The following SLC24A2 variants were observed in gnomAD, a reference collection of about 807,000 sequenced individuals.
The protein encoded by SLC24A2 is solute carrier family 24 member 2, also known as sodium/potassium/calcium exchanger 2.
SLC24A2 carries 36 observed loss-of-function variants against 62.0 expected under a neutral mutation model. The observed-to-expected ratio is 0.58, with a 90% confidence interval of 0.44 to 0.77. SLC24A2 has a LOEUF of 0.77. Among genes scored for constraint, SLC24A2 ranks in the 30% least tolerant of loss-of-function variants. The probability of loss-of-function intolerance (pLI) is 0.00; values close to 1 mark genes in which losing one functional copy is unlikely to be tolerated. For synonymous variants in SLC24A2, 358 were observed against 294.0 expected, an observed-to-expected ratio of 1.22 and a Z score of -2.23; for missense variants, 846 against 817.9, an observed-to-expected ratio of 1.03 and a Z score of -0.42.
the SLC24A2 span, among the ~76,000 whole-genome samples, chr9:20,266,752 T>G: frequency 3.9e-5 from 6 of 152,222 alleles, no homozygotes; most frequent in Admixed American, 2.6e-4. Context: ...GTGCACTTTA[T>G]CAAAGTGGAG....
the SLC24A2 span, among the ~76,000 whole-genome samples, chr9:19,958,528 T>A: frequency 9.2e-5 from 14 of 152,116 alleles, no homozygotes; most frequent in Non-Finnish European, 1.9e-4. Context: ...GGTCTGAACC[T>A]CGGGTGCAGA....
At chr9:19,832,444 C>G in the SLC24A2 span, among the ~76,000 whole-genome samples, 2 of 152,086 alleles carry the variant, frequency 1.3e-5, no homozygotes. Flanking sequence ...GTTGTGTAGA[C>G]TAGAAATTTC....
At chr9:19,722,292 A>G (rs557948975) in intron 2 of SLC24A2, among the ~76,000 whole-genome samples, 3 of 152,252 alleles carry the variant, frequency 2.0e-5, no homozygotes, top group Admixed American at 1.3e-4. Context: ...GGGATTATCA[A>G]TTCTCTTGAA....
chr9:19,630,293 T>C (rs1280721850), intron 2 of SLC24A2, among the ~76,000 whole-genome samples: 1 of 152,146 alleles, frequency 6.6e-6, no homozygotes, highest in Non-Finnish European at 1.5e-5. Context: ...ACACATATAT[T>C]AATAGTAGAA....
the SLC24A2 span, among the ~76,000 whole-genome samples, chr9:20,104,046 A>G: frequency 5.9e-5 from 9 of 152,242 alleles, no homozygotes; most frequent in Non-Finnish European, 1.3e-4. Flanking sequence ...GAACTACATG[A>G]AGAATGCAGA....
chr9:19,671,080 G>A (rs981142751), intron 2 of SLC24A2, among the ~76,000 whole-genome samples: 12 of 59,418 alleles, frequency 2.0e-4, no homozygotes, highest in African/African-American at 3.8e-4. Context: ...AACATCACAT[G>A]TGAAGAATGA....
chr9:19,965,006 G>A, the SLC24A2 span, among the ~76,000 whole-genome samples: 1 of 152,120 alleles, frequency 6.6e-6, no homozygotes, highest in Admixed American at 6.6e-5. Context: ...GCCACATGTA[G>A]AGACAACAGC....
At chr9:19,860,331 A>G in the SLC24A2 span, among the ~76,000 whole-genome samples, 2 of 152,160 alleles carry the variant, frequency 1.3e-5, no homozygotes, top group African/African-American at 4.8e-5. Context: ...ACATTTCTAG[A>G]CACACCCTAG....
chr9:19,806,108 A>AAT, the SLC24A2 span, among the ~76,000 whole-genome samples: 5 of 152,182 alleles, frequency 3.3e-5, no homozygotes, highest in Non-Finnish European at 5.9e-5. Context: ...AAAAAGAGTT[A>AAT]ATTTTATTTT....
intron 4 of SLC24A2, among the ~76,000 whole-genome samples, chr9:19,618,542 A>T (rs75501251): frequency 0.05 from 7,595 of 152,302 alleles, 285 homozygotes; most frequent in Non-Finnish European, 0.078. Context: ...AGTGAGGTGC[A>T]TGTCCAATGA....
chr9:19,831,886 G>A, the SLC24A2 span, among the ~76,000 whole-genome samples: 5 of 152,320 alleles, frequency 3.3e-5, 1 homozygote, highest in Non-Finnish European at 5.9e-5. Context: ...CAATAAAAAT[G>A]TTAGTAACTC....
the SLC24A2 span, among the ~76,000 whole-genome samples, chr9:19,998,921 C>G: frequency 6.6e-6 from 1 of 152,160 alleles, no homozygotes; most frequent in African/African-American, 2.4e-5. Flanking sequence ...CTAAAGCCAC[C>G]CACAGAAGAA....
the SLC24A2 span, among the ~76,000 whole-genome samples, chr9:20,039,081 G>A: frequency 5.6e-4 from 85 of 152,308 alleles, no homozygotes; most frequent in African/African-American, 1.9e-3. Flanking sequence ...GGGTGAAGGA[G>A]AAAAAGAAAG....
chr9:19,581,967 G>A (rs1310059649), intron 5 of SLC24A2, among the ~76,000 whole-genome samples: 1 of 152,174 alleles, frequency 6.6e-6, no homozygotes, highest in Admixed American at 6.5e-5. Context: ...ACAGATATTT[G>A]TATAGTTAAA....
At chr9:19,681,716 G>T (rs1363186034) in intron 2 of SLC24A2, among the ~76,000 whole-genome samples, 1 of 152,104 alleles carries the variant, frequency 6.6e-6, no homozygotes, top group Non-Finnish European at 1.5e-5. Context: ...TAAAAATAAA[G>T]CAGTGGGCAA....
chr9:19,698,346 G>C (rs1820253458), intron 2 of SLC24A2, among the ~76,000 whole-genome samples: 1 of 152,102 alleles, frequency 6.6e-6, no homozygotes, highest in Non-Finnish European at 1.5e-5. Context: ...ACTTGATGTT[G>C]AGACTTGGGG....
chr9:20,082,761 G>A, the SLC24A2 span, among the ~76,000 whole-genome samples: 2 of 152,186 alleles, frequency 1.3e-5, no homozygotes, highest in Non-Finnish European at 2.9e-5. Context: ...TTGTAGCTTG[G>A]AATTGATTTC....
chr9:20,020,895 T>A, the SLC24A2 span, among the ~76,000 whole-genome samples: 1 of 152,190 alleles, frequency 6.6e-6, no homozygotes, highest in African/African-American at 2.4e-5. Context: ...TTCAACATCA[T>A]TTAAATAAGG....
At chr9:20,021,154 T>TTTG in the SLC24A2 span, among the ~76,000 whole-genome samples, 5 of 152,176 alleles carry the variant, frequency 3.3e-5, no homozygotes, top group Admixed American at 2.6e-4. Flanking sequence ...AGTAACTGTT[T>TTTG]TTGTACAAAT....
Sources: gnomAD v4.1 joint callset for allele counts (sites outside exome capture counted in the v4.1 genomes callset) on GRCh38, gnomAD v4.1.1 for gene constraint, MANE v1.5 for transcripts, NCBI Gene and HGNC (gene_info 2026-07-23, HGNC 2026-07-21) for gene names.